Variants in PCDHGA5 observed in about 807,000 individuals in gnomAD.
PCDHGA5 encodes protocadherin gamma-A5.
PCDHGA5 carries 36 observed loss-of-function variants against 56.7 expected under a neutral mutation model. The ratio of observed to expected loss-of-function variants is 0.64; its 90% confidence interval spans 0.49 to 0.84. The LOEUF (loss-of-function observed/expected upper bound fraction) is 0.84. Ranked by LOEUF, PCDHGA5 falls within the 40% of genes least tolerant of loss-of-function variation. The pLI is 0.00. For missense variants in PCDHGA5, 1,305 were observed against 1,201.5 expected (o/e 1.09, Z -1.27); for synonymous variants, 563 against 520.2 (o/e 1.08, Z -1.12).
At position 141,489,244 on chromosome 5, in the gene PCDHGA5, G is replaced by A. The variant is rs145484133; in HGVS notation, c.2422-5563G>A. ...TCCACAAAGGGACTTCTGGGTCATG[G>A]GGCCCAAGACACTCCCACAGCTCGC... On this transcript the variant is annotated intron_variant, in intron 1 of 3. Coordinates refer to ENST00000518069, the MANE Select transcript of PCDHGA5 (RefSeq NM_018918.3). This position sits in a 1 kb window ranked among gnomAD's most constrained non-coding sequence, Gnocchi z 4.5. 5 of 1,534,936 alleles carry A rather than the reference G, an allele frequency of 3.3e-6. No individual in the cohort carries two copies. In the African/African-American group the frequency reaches 5.5e-5, roughly 17 times the overall value.
chr5:141,365,191 A>C lies in PCDHGA5; in HGVS notation c.861A>C (p.Lys287Asn), dbSNP rs1263019810. ...ACTCTTTTCGCAATGAAGAAGAAAA[A>C]ATTTCGGAGACTTTCCAACTTGATT... ...LTYSFRNEEE[K>N]ISETFQLDSN... is the part of the protein sequence containing the mutation. The change falls in exon 1 of 4, where the codon AAA (lysine) becomes AAC (asparagine). Residue 287 changes from lysine (K) to asparagine (N), a missense_variant. Transcript: ENST00000518069. The C allele has an allele frequency of 6.2e-7, 1 of 1,613,908 alleles. No homozygotes were observed. Among genetic ancestry groups the C allele is most frequent in the Admixed American group, 1.7e-5 (1 of 60,018 alleles).
intron 1 of PCDHGA5, among the ~76,000 whole-genome samples, chr5:141,464,747 G>A (rs969116049): frequency 2.0e-5 from 3 of 151,812 alleles, no homozygotes; most frequent in Admixed American, 2.0e-4. Context: ...ATATCTTTTT[G>A]TTTTTTTAGA....
rs766133958 is a variant in PCDHGA5, at chr5:141,403,000, A to G, written c.2421+36249A>G. 27 of 1,613,862 alleles carry G rather than the reference A, an allele frequency of 1.7e-5. No individual in the cohort carries two copies. Among genetic ancestry groups the G allele is most frequent in the Middle Eastern group, 1.6e-4 (1 of 6,082 alleles). ...AGCTCCGCGGAAGATTAGTCCTGCT[A>G]TGCTCGCTCCTGGGGATGCTATGGG... On this transcript the variant is annotated intron_variant, in intron 1 of 3. Transcript: ENST00000518069.
At chr5:141,421,973 G>C in intron 1 of PCDHGA5, 1 of 1,610,100 alleles carries the variant, frequency 6.2e-7, no homozygotes, top group Non-Finnish European at 8.5e-7. Context: ...TCCGTATATC[G>C]CGTGAGTGTT....
At chr5:141,452,240 C>G (rs1365703172) in intron 1 of PCDHGA5, among the ~76,000 whole-genome samples, 1 of 152,084 alleles carries the variant, frequency 6.6e-6, no homozygotes, top group Non-Finnish European at 1.5e-5. Flanking sequence ...TTCTTGTGTC[C>G]TTTTGCCATA....
chr5:141,422,723 G>A lies in PCDHGA5; in HGVS notation c.2421+55972G>A. The stretch of plus-strand genomic sequence containing the variant: ...TCTCTGACGGATGACACTGTCCAGG[G>A]GGTGCCTCTGTCCTCCTATGTCTCT... On this transcript the variant is annotated intron_variant, in intron 1 of 3. Coordinates refer to ENST00000518069, the MANE Select transcript of PCDHGA5 (RefSeq NM_018918.3). The A allele has an allele frequency of 1.2e-6, 2 of 1,605,958 alleles. No homozygotes were observed. The highest frequency in any genetic ancestry group is 1.7e-6 in the Non-Finnish European group (2 of 1,175,478).
Position 141,491,307 on chromosome 5 carries a change from C to CCTTA in PCDHGA5, c.2422-3498_2422-3495dup. On this transcript the variant is annotated intron_variant, in intron 1 of 3. Transcript: ENST00000518069. The surrounding 1 kb of genome is among the most constrained non-coding windows in gnomAD (Gnocchi z 6.9). ...TCATACACCCTCCTGAGCGTTCAGA[C>CCTTA]CTTACCCTTTACCTCATTGTGGCTC... 1 of 1,614,152 alleles carries CCTTA rather than the reference C, an allele frequency of 6.2e-7. No individual in the cohort carries two copies. Among genetic ancestry groups the CCTTA allele is most frequent in the Non-Finnish European group, 8.5e-7 (1 of 1,179,986 alleles).
In PCDHGA5 at chr5:141,383,002, G is replaced by A. The variant is rs376825891; in HGVS notation, c.2421+16251G>A. 8 of 1,613,766 alleles carry A rather than the reference G, an allele frequency of 5.0e-6. No individual in the cohort carries two copies. Among genetic ancestry groups the A allele is most frequent in the East Asian group, 2.2e-5 (1 of 44,884 alleles). On this transcript the variant is annotated intron_variant, in intron 1 of 3. Transcript: ENST00000518069. ...CTGGGCAGGACGTATTCTCTACTCC[G>A]TGTCGGAGGAGACGGACAAAGGGTC...
At position 141,418,594 on chromosome 5, in the gene PCDHGA5, C is replaced by G. The variant is rs775489120; in HGVS notation, c.2421+51843C>G. 2.9e-5 allele frequency: 47 copies of G among 1,613,904 alleles called. No individual in the cohort carries two copies. In the South Asian group the frequency reaches 4.6e-4, roughly 16 times the overall value. On this transcript the variant is annotated intron_variant, in intron 1 of 3. Transcript: ENST00000518069. ...ACAACCCCCCAGTGTTCAGCCAGGA[C>G]GTGTACAGGGTTAGCCTTCGGGAAG...
At chr5:141,466,094 C>T (rs1462266046) in intron 1 of PCDHGA5, among the ~76,000 whole-genome samples, 1 of 152,040 alleles carries the variant, frequency 6.6e-6, no homozygotes, top group Non-Finnish European at 1.5e-5. Flanking sequence ...TGCACTCCAG[C>T]CTGGGCAACA....
intron 2 of PCDHGA5, 54 bp from the exon 3 acceptor site, chr5:141,505,339 G>A: frequency 1.2e-6 from 2 of 1,612,236 alleles, no homozygotes; most frequent in Middle Eastern, 3.4e-4. Flanking sequence ...GACAGGAGGG[G>A]CATGAGCTGT....
intron 1 of PCDHGA5, chr5:141,383,711 A>G (rs201269369): frequency 5.5e-4 from 889 of 1,614,004 alleles, no homozygotes; most frequent in Non-Finnish European, 6.8e-4. Flanking sequence ...GACCTGGACG[A>G]GGGAGTCAAT....
chr5:141,374,354 G>C, intron 1 of PCDHGA5: 1 of 1,614,036 alleles, frequency 6.2e-7, no homozygotes, highest in East Asian at 2.2e-5. Context: ...GGGTAGGATA[G>C]ACCGCGAGGA....
At position 141,409,159 on chromosome 5, in the gene PCDHGA5, GGAAGC is replaced by G. The variant is rs1361879939; in HGVS notation, c.2421+42413_2421+42417del. On this transcript the variant is annotated intron_variant, in intron 1 of 3. Transcript: ENST00000518069. ...ATGTAGAAAGGTACACCATGGAAGTGGAAGCGAAGGACGGAGGTGGTCTCTCTACC... is the reference window on the plus strand; with the variant it reads ...ATGTAGAAAGGTACACCATGGAAGTGGAAGGACGGAGGTGGTCTCTCTACC... The G allele has an allele frequency of 3.1e-6, 5 of 1,614,014 alleles. 1 individual carries two copies. In the South Asian group the frequency reaches 5.5e-5, roughly 18 times the overall value.
chr5:141,428,168 C>A, intron 1 of PCDHGA5: 1 of 1,551,608 alleles, frequency 6.4e-7, no homozygotes, highest in Non-Finnish European at 8.8e-7. Context: ...GGTTGCTGTG[C>A]GTGACGGAGG....
At chr5:141,471,114 T>A (rs1210058743) in intron 1 of PCDHGA5, among the ~76,000 whole-genome samples, 1 of 150,256 alleles carries the variant, frequency 6.7e-6, no homozygotes, top group Non-Finnish European at 1.5e-5. Context: ...AGTGGTGCGA[T>A]CTTACCTTCA....
rs778052844 is a variant in PCDHGA5, at chr5:141,486,259, T to C, written c.2422-8548T>C. ...CAGAGCTTGGAACCCTCCCCGAGAG[T>C]GCAGAACCTGGCACTGTGGTGGCAC... is the stretch of plus-strand genomic sequence containing the variant. On this transcript the variant is annotated intron_variant, in intron 1 of 3. Coordinates refer to ENST00000518069, the MANE Select transcript of PCDHGA5 (RefSeq NM_018918.3). This position sits in a 1 kb window ranked among gnomAD's most constrained non-coding sequence, Gnocchi z 5.0. 1 of 1,613,204 alleles carries C rather than the reference T, an allele frequency of 6.2e-7. No individual in the cohort carries two copies. The highest frequency in any genetic ancestry group is 8.5e-7 in the Non-Finnish European group (1 of 1,179,716).
intron 2 of PCDHGA5, among the ~76,000 whole-genome samples, chr5:141,501,942 C>T (rs1012840550): frequency 2.6e-5 from 4 of 152,136 alleles, no homozygotes; most frequent in Non-Finnish European, 4.4e-5. Context: ...CACCACTGCT[C>T]CCTGTGACAG....
At chr5:141,413,148 C>G (rs370253778) in intron 1 of PCDHGA5, 10 of 1,570,530 alleles carry the variant, frequency 6.4e-6, no homozygotes, top group Middle Eastern at 1.7e-4. Flanking sequence ...CCAGTGAGGA[C>G]TTTGCAGAAT....
Sources: allele counts gnomAD v4.1 joint callset (sites outside exome capture counted in the v4.1 genomes callset), GRCh38; gene constraint gnomAD v4.1.1; non-coding constraint Gnocchi (gnomAD v3.1); transcripts MANE v1.5; gene names NCBI Gene and HGNC (gene_info 2026-07-23, HGNC 2026-07-21).